The following GIT2 variants were observed in gnomAD, a reference collection of about 807,000 sequenced individuals.
GIT2 encodes the protein ARF GTPase-activating protein GIT2.
A neutral mutation model predicts 100.3 loss-of-function variants in GIT2; 32 were observed. The observed-to-expected ratio is 0.32, with a 90% CI of 0.24 to 0.43. GIT2 has a LOEUF of 0.43. Ranked by LOEUF, GIT2 falls within the 20% of genes least tolerant of loss-of-function variation. The pLI is 1.00. For synonymous variants in GIT2, 353 were observed against 364.1 expected (o/e 0.97, Z 0.35); for missense variants, 737 against 975.1 (o/e 0.76, Z 3.25).
chr12:109,993,027 A>G lies in GIT2; in HGVS notation c.53-1267T>C, dbSNP rs143137416. Among the ~76,000 whole-genome samples, 730 of 152,308 alleles carry G rather than the reference A, an allele frequency of 4.8e-3. 6 individuals are homozygous for G. The highest frequency in any genetic ancestry group is 0.011 in the South Asian group (54 of 4,826). ...CAATCCTGCAACTGATCTGAAAAAA[A>G]AAAAAGAAGTTGCAATAACAGCAGC... On this transcript the variant is annotated intron_variant, in intron 1 of 19. Transcript: ENST00000355312.
At chr12:109,967,738 C>G (rs1022728510) in intron 7 of GIT2, among the ~76,000 whole-genome samples, 1 of 152,168 alleles carries the variant, frequency 6.6e-6, no homozygotes, top group African/African-American at 2.4e-5. Context: ...CTATGCTCAC[C>G]CCAATCACGA....
chr12:109,980,789 G>A (rs1369692727), intron 7 of GIT2, 163 bp downstream of exon 7: 3 of 622,430 alleles, frequency 4.8e-6, no homozygotes, highest in African/African-American at 3.6e-5. Context: ...TCTTTTACAT[G>A]TAACTGACAA....
chr12:109,985,795 G>A (rs548293762), intron 4 of GIT2, among the ~76,000 whole-genome samples: 22 of 152,066 alleles, frequency 1.4e-4, no homozygotes, highest in Non-Finnish European at 2.9e-4. Flanking sequence ...GGAAGTTGCA[G>A]TGAGCCGAGA....
intron 16 of GIT2, 53 bp downstream of exon 16, chr12:109,945,207 C>T: frequency 1.1e-6 from 1 of 885,856 alleles, no homozygotes; most frequent in Non-Finnish European, 1.9e-6. Flanking sequence ...GCACAAAGCG[C>T]CCAGGAGCAC....
intron 4 of GIT2, among the ~76,000 whole-genome samples, chr12:109,988,272 G>T (rs964292381): frequency 6.6e-6 from 1 of 152,136 alleles, no homozygotes; most frequent in African/African-American, 2.4e-5. Context: ...AGACGAAACC[G>T]ACTGACAAAA....
intron 15 of GIT2, among the ~76,000 whole-genome samples, chr12:109,945,607 A>G (rs548052337): frequency 6.6e-6 from 1 of 152,288 alleles, no homozygotes; most frequent in South Asian, 2.1e-4. Flanking sequence ...CTTGTCAATA[A>G]TTTTTTAATG....
intron 16 of GIT2, among the ~76,000 whole-genome samples, chr12:109,943,493 C>A (rs555229974): frequency 1.3e-5 from 2 of 152,116 alleles, no homozygotes; most frequent in Non-Finnish European, 2.9e-5. Context: ...CGCCACCACC[C>A]GCCGCTAATT....
intron 7 of GIT2, among the ~76,000 whole-genome samples, chr12:109,978,544 T>G (rs2136710884): frequency 6.6e-6 from 1 of 152,326 alleles, no homozygotes; most frequent in South Asian, 2.1e-4. Context: ...TTCCTACTCT[T>G]TTTTCCTCTC....
In GIT2 at chr12:109,947,733, G is replaced by T; in HGVS notation, c.1393-229C>A. 2.0e-6 allele frequency: 1 copy of T among 508,184 alleles called. No individual in the cohort carries two copies. The highest frequency in any genetic ancestry group is 3.5e-6 in the Non-Finnish European group (1 of 285,738). The allele number at this position is 508,184 out of a possible 1,614,324, so 31.5% of individuals were successfully genotyped here. A position where few individuals can be genotyped will look rare whatever the true frequency, so the allele number is the denominator to read the frequency against. ...ATTAAATAGCTTCATTTCTGAATGT[G>T]GAAAAGTTGTGGTTTGGACTTCCTC... is the stretch of plus-strand genomic sequence containing the variant. On this transcript the variant is annotated intron_variant, in intron 14 of 19. Transcript: ENST00000355312. The surrounding 1 kb of genome is among the most constrained non-coding windows in gnomAD (Gnocchi z 4.3).
At chr12:109,943,534 A>C (rs910449288) in intron 16 of GIT2, among the ~76,000 whole-genome samples, 3 of 152,056 alleles carry the variant, frequency 2.0e-5, no homozygotes, top group Non-Finnish European at 4.4e-5. Flanking sequence ...AGGTTTTGCC[A>C]TGTTGGCCAG....
upstream of GIT2, chr12:109,996,477 T>C: frequency 2.1e-6 from 1 of 487,150 alleles, no homozygotes; most frequent in Non-Finnish European, 3.6e-6. Context: ...TGCCCGAGTA[T>C]CATCTGTCCT....
chr12:109,999,882 G>C, upstream of GIT2: 1 of 1,145,660 alleles, frequency 8.7e-7, no homozygotes, highest in South Asian at 1.6e-5. This position sits in a 1 kb window ranked among gnomAD's most constrained non-coding sequence, Gnocchi z 4.3. Context: ...CTGTCCCCGG[G>C]ATCCCCAGAC....
At chr12:109,950,007 A>AGTGTCTGTTC (rs1231894514) in intron 14 of GIT2, among the ~76,000 whole-genome samples, 1 of 152,186 alleles carries the variant, frequency 6.6e-6, no homozygotes, top group Non-Finnish European at 1.5e-5. Context: ...ACACAGAACA[A>AGTGTCTGTTC]GTGTCTGTTC....
rs780337150 is a variant in GIT2 at position 109,934,058 on chromosome 12, G to A, written c.2031C>T (p.His677=). ...ATGCTGCCATTTCTGTAACAGCTACGTGTATCCTCTCTGAGCAGGGAATAT... is the reference window on the plus strand; with the variant it reads ...ATGCTGCCATTTCTGTAACAGCTACATGTATCCTCTCTGAGCAGGGAATAT... ...DSYIPCSERI[H]VAVTEMAALF... is the part of the protein sequence containing the mutation. The change falls in exon 19 of 20, where the codon CAC becomes CAT. Residue 677 remains histidine (H), a synonymous_variant. Coordinates refer to ENST00000355312, the MANE Select transcript of GIT2 (RefSeq NM_057169.5). The surrounding 1 kb of genome is among the most constrained non-coding windows in gnomAD (Gnocchi z 4.5). 20 of 1,572,534 alleles carry A rather than the reference G, an allele frequency of 1.3e-5. No individual in the cohort carries two copies. Among genetic ancestry groups the A allele is most frequent in the South Asian group, 1.0e-4 (9 of 90,220 alleles).
chr12:109,996,260 G>T lies in GIT2; in HGVS notation c.-36C>A, dbSNP rs934253761. ...TCCCACCTGCGGGGAACTAGAGGCC[G>T]GGGGACAGCAAAGGCGGCGGTGGCG... is the stretch of plus-strand genomic sequence containing the variant. On this transcript the variant is annotated 5_prime_UTR_variant, in exon 1 of 20. Coordinates refer to ENST00000355312, the MANE Select transcript of GIT2 (RefSeq NM_057169.5). 2 of 1,468,650 alleles carry T rather than the reference G, an allele frequency of 1.4e-6. No homozygotes were observed. The highest frequency in any genetic ancestry group is 1.4e-5 in the African/African-American group (1 of 69,120). The allele number at this position is 1,468,650 out of a possible 1,614,324, so 91.0% of individuals were successfully genotyped here. A position where few individuals can be genotyped will look rare whatever the true frequency, so the allele number is the denominator to read the frequency against.
intron 7 of GIT2, among the ~76,000 whole-genome samples, chr12:109,973,770 G>A (rs1884459991): frequency 6.6e-6 from 1 of 151,608 alleles, no homozygotes; most frequent in Non-Finnish European, 1.5e-5. Context: ...GGCTAGGCGC[G>A]GTGTCTCACG....
chr12:109,950,832 A>G (rs910641069), intron 14 of GIT2: 2 of 231,694 alleles, frequency 8.6e-6, no homozygotes, highest in African/African-American at 4.5e-5. Flanking sequence ...CTCTGTCTCC[A>G]TGGTGTGATC....
chr12:109,993,742 G>A (rs1205645264), intron 1 of GIT2, among the ~76,000 whole-genome samples: 1 of 151,864 alleles, frequency 6.6e-6, no homozygotes, highest in African/African-American at 2.4e-5. Flanking sequence ...AGTTTTTGAT[G>A]GGAAATACTT....
rs187246917 is a variant in GIT2 at position 109,931,396 on chromosome 12, G to C, written c.*1582C>G. 5 of 152,378 alleles carry C rather than the reference G, an allele frequency of 3.3e-5. No individual in the cohort carries two copies. The highest frequency in any genetic ancestry group is 1.2e-4 in the African/African-American group (5 of 41,574). 9.4% of individuals were successfully genotyped at this position (152,378 alleles called of 1,614,324 possible). ...ACAGCTTACAGGGCCCTGGGGTGGG[G>C]GCTGTGAGCTGGCAGCCTAGAGGAC... On this transcript the variant is annotated 3_prime_UTR_variant, in exon 20 of 20. Transcript: ENST00000355312.
Sources: gnomAD v4.1 joint callset for allele counts (sites outside exome capture counted in the v4.1 genomes callset) on GRCh38, gnomAD v4.1.1 for gene constraint, Gnocchi (gnomAD v3.1) non-coding constraint, MANE v1.5 for transcripts, NCBI Gene and HGNC (gene_info 2026-07-23, HGNC 2026-07-21) for gene names.